The following ANKRD31 variants were observed in gnomAD, a reference collection of about 807,000 sequenced individuals.
ANKRD31 encodes the protein ankyrin repeat domain-containing protein 31.
In ANKRD31, 147 loss-of-function variants were observed where a neutral mutation model predicts 186.0. The observed-to-expected ratio is 0.79, with a 90% confidence interval of 0.69 to 0.91. The LOEUF (loss-of-function observed/expected upper bound fraction) is 0.91. Ranked by LOEUF, ANKRD31 falls within the 40% of genes least tolerant of loss-of-function variation. The pLI, the probability that ANKRD31 is intolerant of heterozygous loss-of-function variation, is 0.00. For synonymous variants in ANKRD31, 673 were observed against 736.4 expected, an observed-to-expected ratio of 0.91 and a Z score of 1.39; for missense variants, 1,986 against 2,148.8, an observed-to-expected ratio of 0.92 and a Z score of 1.50.
At chr5:75,196,459 T>C (rs1755473812) in intron 6 of ANKRD31, among the ~76,000 whole-genome samples, 1 of 152,160 alleles carries the variant, frequency 6.6e-6, no homozygotes, top group African/African-American at 2.4e-5. Flanking sequence ...GATGGCAAAT[T>C]ATTCACCTAA....
intron 11 of ANKRD31, among the ~76,000 whole-genome samples, chr5:75,156,809 C>T (rs532414881): frequency 6.6e-6 from 1 of 152,276 alleles, no homozygotes; most frequent in East Asian, 1.9e-4. Flanking sequence ...CCTCTACAGC[C>T]TCTGGAGGGA....
At position 75,137,985 on chromosome 5, in the gene ANKRD31, A is replaced by C; in HGVS notation, c.3747T>G (p.Leu1249=). Residue 1249 remains leucine, a synonymous_variant, in exon 17 of 26, where the codon CTT becomes CTG. Transcript: ENST00000506364. ...NLNDNAGWTP[L]HEASNEGSID... ...TAGATCCTTCATTAGATGCCTCATG[A>C]AGTGGTGTCCAACCTAAAAAAAGAA... 1 of 1,493,250 alleles carries C rather than the reference A, an allele frequency of 6.7e-7. No homozygotes were observed. The highest frequency in any genetic ancestry group is 1.3e-5 in the South Asian group (1 of 74,668). 92.5% of individuals were successfully genotyped at this position (1,493,250 alleles called of 1,614,324 possible). A position where few individuals can be genotyped will look rare whatever the true frequency, so the allele number is the denominator to read the frequency against.
rs79225882 is a variant in ANKRD31, at chr5:75,090,373, G to A, written c.5472+888C>T. 2.4e-3 allele frequency among the ~76,000 whole-genome samples: 364 copies of A among 152,288 alleles called. 8 individuals carry two copies. The East Asian group carries it at 0.062, about 26-fold the overall frequency. ...ATACACTTGCCAACGAGGTCTAGGA[G>A]ACCAGAATGCAGGGTTGGGGCACAG... On this transcript the variant is annotated intron_variant, in intron 23 of 25. Transcript: ENST00000506364.
chr5:75,080,514 G>A, intron 25 of ANKRD31, 54 bp downstream of exon 25: 1 of 1,229,228 alleles, frequency 8.1e-7, no homozygotes, highest in African/African-American at 1.5e-5. Flanking sequence ...ACAATATGTA[G>A]AATCTAAACA....
In ANKRD31 at chr5:75,178,560, A is replaced by G. The variant is rs149381635; in HGVS notation, c.1565-9439T>C. Among the ~76,000 whole-genome samples the G allele has an allele frequency of 8.4e-3, 1,279 of 152,292 alleles. 33 individuals are homozygous for G. Among genetic ancestry groups the G allele is most frequent in the African/African-American group, 0.029 (1,187 of 41,568 alleles). The stretch of plus-strand genomic sequence containing the variant: ...TCTCAGACCACAGTGTAATCAAACT[A>G]GAACTCAGGATTAAGAAACTCACTC... On this transcript the variant is annotated intron_variant, in intron 10 of 25. Coordinates refer to ENST00000506364, the MANE Select transcript of ANKRD31 (RefSeq NM_001372053.1).
chr5:75,142,904 C>T (rs529838639), intron 15 of ANKRD31, among the ~76,000 whole-genome samples: 106 of 152,246 alleles, frequency 7.0e-4, no homozygotes, highest in Non-Finnish European at 1.2e-3. Context: ...TGATTAAGTG[C>T]TGCTAGAGAG....
chr5:75,188,618 T>A lies in ANKRD31; in HGVS notation c.1439A>T (p.His480Leu). 6.5e-7 allele frequency: 1 copy of A among 1,533,902 alleles called. No individual in the cohort carries two copies. The highest frequency in any genetic ancestry group is 8.7e-7 in the Non-Finnish European group (1 of 1,145,694). Reference sequence around the variant, plus strand: ...AAAAATGTTTCTCCGGTTAATGCTATGAAGAGATATTTTGTTCACCTTCAT... The same window carrying A: ...AAAAATGTTTCTCCGGTTAATGCTAAGAAGAGATATTTTGTTCACCTTCAT... ...EKMKVNKISLHSINRRNIFGE... is the reference protein window; with the variant it reads ...EKMKVNKISLLSINRRNIFGE... Residue 480 changes from histidine to leucine, a missense_variant, in exon 10 of 26, where the codon CAT becomes CTT. By Grantham distance (99) the His-to-Leu change is moderately conservative (BLOSUM62 -3). Transcript: ENST00000506364.
intron 1 of ANKRD31, among the ~76,000 whole-genome samples, chr5:75,231,453 A>C (rs1360075567): frequency 6.6e-6 from 1 of 152,194 alleles, no homozygotes; most frequent in Non-Finnish European, 1.5e-5. Flanking sequence ...GAAGACACAC[A>C]GTCCTTGCCC....
intron 1 of ANKRD31, among the ~76,000 whole-genome samples, 200 bp downstream of exon 1, chr5:75,236,383 T>C (rs933686577): frequency 7.2e-5 from 11 of 152,200 alleles, no homozygotes; most frequent in African/African-American, 2.7e-4. Context: ...TATCCCTAGC[T>C]GGTTGGGGGT....
chr5:75,101,434 T>C (rs776039950), intron 22 of ANKRD31, among the ~76,000 whole-genome samples: 2 of 152,176 alleles, frequency 1.3e-5, no homozygotes, highest in Non-Finnish European at 2.9e-5. Context: ...AGTATCTTTA[T>C]GGTGTTCTCT....
At chr5:75,197,418 G>A (rs73114835) in intron 6 of ANKRD31, among the ~76,000 whole-genome samples, 2,889 of 152,228 alleles carry the variant, frequency 0.019, 109 homozygotes, top group African/African-American at 0.064. Context: ...GACAGGATGT[G>A]CTGTAATTTG....
chr5:75,116,658 T>C lies in ANKRD31; in HGVS notation c.4063A>G (p.Lys1355Glu). 4.2e-6 allele frequency: 6 copies of C among 1,431,186 alleles called. No individual in the cohort carries two copies. Among genetic ancestry groups the C allele is most frequent in the Non-Finnish European group, 4.6e-6 (5 of 1,084,870 alleles). 88.7% of individuals were successfully genotyped at this position (1,431,186 alleles called of 1,614,324 possible). Reference protein sequence around the residue: ...VNEKIPAVRSKRHKQCFCDDG... With the variant: ...VNEKIPAVRSERHKQCFCDDG... ...TCACAAAAACACTGTTTATGTCTTTTAGACCGGACAGCAGGAATTTTTTCT... is the reference window on the plus strand; with the variant it reads ...TCACAAAAACACTGTTTATGTCTTTCAGACCGGACAGCAGGAATTTTTTCT... Residue 1355 changes from lysine (K) to glutamate (E), a missense_variant, in exon 19 of 26, where the codon AAA (lysine) becomes GAA (glutamate). Coordinates refer to ENST00000506364, the MANE Select transcript of ANKRD31 (RefSeq NM_001372053.1).
chr5:75,132,478 A>G (rs1749949012), intron 17 of ANKRD31, among the ~76,000 whole-genome samples: 1 of 152,214 alleles, frequency 6.6e-6, no homozygotes, highest in Non-Finnish European at 1.5e-5. Context: ...AAAAGAGTAA[A>G]AAGAAATGAA....
chr5:75,102,066 T>G (rs1190948691), intron 22 of ANKRD31, among the ~76,000 whole-genome samples: 2 of 152,264 alleles, frequency 1.3e-5, no homozygotes, highest in African/African-American at 4.8e-5. Context: ...TGTGGTTTTA[T>G]CTACCTTTGG....
intron 10 of ANKRD31, among the ~76,000 whole-genome samples, chr5:75,172,517 A>T (rs1422828965): frequency 6.6e-6 from 1 of 152,170 alleles, no homozygotes; most frequent in African/African-American, 2.4e-5. Context: ...GAAAAGAGAG[A>T]TGAATCAAAT....
At chr5:75,151,187 A>G (rs1159615975) in intron 12 of ANKRD31, among the ~76,000 whole-genome samples, 1 of 152,056 alleles carries the variant, frequency 6.6e-6, no homozygotes, top group Non-Finnish European at 1.5e-5. Context: ...ACCCTAAAGA[A>G]AAACTACTCT....
Position 75,075,263 on chromosome 5 carries a change from T to A in ANKRD31, c.5647+5305A>T, listed in dbSNP as rs149907837. ...GATTTTAGGGTTTCACTTTTGTACATGCTCCAGGTATGGCCTATGGGTATG... is the reference window on the plus strand; with the variant it reads ...GATTTTAGGGTTTCACTTTTGTACAAGCTCCAGGTATGGCCTATGGGTATG... On this transcript the variant is annotated intron_variant, in intron 25 of 25. Transcript: ENST00000506364. 5.9e-4 allele frequency among the ~76,000 whole-genome samples: 90 copies of A among 152,338 alleles called. 1 individual carries two copies. The highest frequency in any genetic ancestry group is 2.1e-3 in the African/African-American group (86 of 41,582).
At chr5:75,127,797 T>C (rs111739595) in intron 17 of ANKRD31, among the ~76,000 whole-genome samples, 280 of 152,342 alleles carry the variant, frequency 1.8e-3, no homozygotes, top group African/African-American at 5.9e-3. Context: ...AGGTCTTCTT[T>C]AATTACTCTC....
chr5:75,069,728 T>C (rs1374505772), intron 25 of ANKRD31, among the ~76,000 whole-genome samples: 2 of 152,082 alleles, frequency 1.3e-5, no homozygotes, highest in Non-Finnish European at 2.9e-5. Context: ...GTATCTTTAG[T>C]AGAGATGGGG....
Sources: allele counts gnomAD v4.1 joint callset (sites outside exome capture counted in the v4.1 genomes callset), GRCh38; gene constraint gnomAD v4.1.1; transcripts MANE v1.5; gene names NCBI Gene and HGNC (gene_info 2026-07-23, HGNC 2026-07-21).